Variants in RERE observed in about 807,000 individuals in gnomAD.
RERE encodes the protein arginine-glutamic acid dipeptide repeats protein.
A neutral mutation model predicts 146.1 loss-of-function variants in RERE; 40 were observed. The ratio of observed to expected loss-of-function variants is 0.27; its 90% CI spans 0.21 to 0.36. The LOEUF (loss-of-function observed/expected upper bound fraction) is 0.36. Among genes scored for constraint, RERE ranks in the 10% least tolerant of loss-of-function variants. RERE has a pLI of 1.00. For missense variants in RERE, 1,933 were observed against 2,138.7 expected, an observed-to-expected ratio of 0.90 and a Z score of 1.90; for synonymous variants, 1,003 against 866.0, an observed-to-expected ratio of 1.16 and a Z score of -2.78.
At chr1:8,589,256 AT>A (rs1400656636) in intron 4 of RERE, among the ~76,000 whole-genome samples, 2 of 152,164 alleles carry the variant, frequency 1.3e-5, no homozygotes, top group Non-Finnish European at 2.9e-5. Flanking sequence ...CCTGGCCAAC[AT>A]GGTGAAACCT....
At chr1:8,358,092 T>C (rs1641369086) in intron 20 of RERE, 104 bp downstream of exon 20, 7 of 1,492,602 alleles carry the variant, frequency 4.7e-6, no homozygotes, top group Non-Finnish European at 6.2e-6. Flanking sequence ...ATGAGGGATC[T>C]GTTCAGAAAA....
chr1:8,501,858 G>A (rs1214552157), intron 8 of RERE, among the ~76,000 whole-genome samples: 2 of 122,110 alleles, frequency 1.6e-5, no homozygotes, highest in African/African-American at 6.2e-5. Flanking sequence ...CCCTCTGCCC[G>A]GCCAGCCGCC....
At chr1:8,735,360 A>G (rs1336067998) in intron 1 of RERE, among the ~76,000 whole-genome samples, 1 of 152,216 alleles carries the variant, frequency 6.6e-6, no homozygotes, top group South Asian at 2.1e-4. Flanking sequence ...ACCCCCAGTC[A>G]TATCAGCTTC....
At chr1:8,393,874 A>T (rs1642965919) in intron 12 of RERE, among the ~76,000 whole-genome samples, 1 of 152,212 alleles carries the variant, frequency 6.6e-6, no homozygotes, top group Admixed American at 6.5e-5. Context: ...ATACCTTTTA[A>T]AACTTCCTTC....
chr1:8,793,824 G>A (rs1056808994), intron 1 of RERE, among the ~76,000 whole-genome samples: 3 of 152,142 alleles, frequency 2.0e-5, no homozygotes, highest in Admixed American at 6.5e-5. Flanking sequence ...CAGCACTTTG[G>A]GAGGCCAAGA....
In RERE at chr1:8,522,558, A is replaced by C. The variant is rs558464100; in HGVS notation, c.831-13883T>G. Among the ~76,000 whole-genome samples the C allele has an allele frequency of 2.9e-3, 440 of 152,310 alleles. 2 individuals carry two copies. Among genetic ancestry groups the C allele is most frequent in the African/African-American group, 0.01 (422 of 41,582 alleles). ...TAACACAGTAGCCACGAGTCAAGGA[A>C]GAAGTGAAAAGAAGATTAAGAATGA... On this transcript the variant is annotated intron_variant, in intron 7 of 22. Coordinates refer to ENST00000400908, the MANE Select transcript of RERE (RefSeq NM_001042681.2).
intron 1 of RERE, among the ~76,000 whole-genome samples, chr1:8,657,857 T>C (rs1230669473): frequency 6.6e-6 from 1 of 152,064 alleles, no homozygotes; most frequent in Non-Finnish European, 1.5e-5. Context: ...GAAAAGAAAA[T>C]GTATTGTCTC....
intron 8 of RERE, among the ~76,000 whole-genome samples, chr1:8,507,393 C>T (rs1645265817): frequency 6.6e-6 from 1 of 152,220 alleles, no homozygotes. Flanking sequence ...ACCATCTTGA[C>T]TCTCCTGAAG....
At chr1:8,582,296 TCC>T (rs1646375762) in intron 4 of RERE, among the ~76,000 whole-genome samples, 1 of 151,600 alleles carries the variant, frequency 6.6e-6, no homozygotes, top group Non-Finnish European at 1.5e-5. Flanking sequence ...AGCCTTAAAC[TCC>T]TGGGTTCAAG....
chr1:8,575,554 TATATATA>T (rs201762119), intron 4 of RERE, among the ~76,000 whole-genome samples: 29 of 83,534 alleles, frequency 3.5e-4, no homozygotes, highest in South Asian at 7.4e-4. Flanking sequence ...TATATATATA[TATATATA>T]TTTTTTTTTT....
At chr1:8,631,283 C>T (rs1300114071) in intron 2 of RERE, among the ~76,000 whole-genome samples, 2 of 152,198 alleles carry the variant, frequency 1.3e-5, no homozygotes, top group African/African-American at 4.8e-5. Context: ...GCCTGTAATT[C>T]CAGCACTTTG....
intron 4 of RERE, among the ~76,000 whole-genome samples, chr1:8,578,474 G>T (rs1646323853): frequency 1.3e-5 from 2 of 152,076 alleles, no homozygotes; most frequent in South Asian, 4.1e-4. Flanking sequence ...TTCCATTATG[G>T]TTTCTAACTT....
At chr1:8,653,862 A>G (rs1557460015) in intron 2 of RERE, among the ~76,000 whole-genome samples, 2 of 152,142 alleles carry the variant, frequency 1.3e-5, no homozygotes, top group Non-Finnish European at 2.9e-5. Flanking sequence ...AAATACAGAC[A>G]GTACTGTAAC....
At chr1:8,537,115 G>A (rs970953516) in intron 7 of RERE, among the ~76,000 whole-genome samples, 2 of 152,100 alleles carry the variant, frequency 1.3e-5, no homozygotes, top group African/African-American at 4.8e-5. Flanking sequence ...GAGGCAGGAG[G>A]ATCACCTGAG....
intron 1 of RERE, among the ~76,000 whole-genome samples, chr1:8,754,120 T>C (rs1459689340): frequency 6.6e-6 from 1 of 152,190 alleles, no homozygotes; most frequent in Non-Finnish European, 1.5e-5. Context: ...TGATGTCTTG[T>C]AAAGGTTGAA....
intron 1 of RERE, 78 bp from the exon 2 acceptor site, chr1:8,656,519 T>G: frequency 1.7e-6 from 1 of 600,268 alleles, no homozygotes; most frequent in Non-Finnish European, 2.7e-6. Flanking sequence ...ATGAATCTCT[T>G]ACTTATTCAT....
At chr1:8,634,231 C>G (rs1647068746) in intron 2 of RERE, among the ~76,000 whole-genome samples, 1 of 152,208 alleles carries the variant, frequency 6.6e-6, no homozygotes, top group Non-Finnish European at 1.5e-5. Context: ...CTTCAGGACC[C>G]AAATGCCACC....
intron 2 of RERE, among the ~76,000 whole-genome samples, chr1:8,645,042 T>C (rs781496205): frequency 2.1e-4 from 32 of 152,194 alleles, no homozygotes; most frequent in Non-Finnish European, 3.8e-4. Context: ...CTGTGTGACT[T>C]TGGCCTCCAT....
chr1:8,502,275 C>CA (rs1645178773), intron 8 of RERE, among the ~76,000 whole-genome samples: 1 of 116,346 alleles, frequency 8.6e-6, no homozygotes, highest in African/African-American at 3.5e-5. Context: ...TCTGCCCGGC[C>CA]GCCCCTACTG....
Sources: allele counts gnomAD v4.1 joint callset (sites outside exome capture counted in the v4.1 genomes callset), GRCh38; gene constraint gnomAD v4.1.1; transcripts MANE v1.5; gene names NCBI Gene and HGNC (gene_info 2026-07-23, HGNC 2026-07-21).